The following E2F3 variants were observed in gnomAD, a reference collection of about 807,000 sequenced individuals.
E2F3 encodes E2F transcription factor 3, also known as transcription factor E2F3.
In E2F3, 11 loss-of-function variants were observed where a neutral mutation model predicts 44.4. The ratio of observed to expected loss-of-function variants is 0.25; its 90% CI spans 0.16 to 0.41. E2F3 has a LOEUF of 0.41. Ranked by LOEUF, E2F3 falls within the 10% of genes least tolerant of loss-of-function variation. The pLI is 1.00. For missense variants in E2F3, 487 were observed against 583.6 expected, an observed-to-expected ratio of 0.83 and a Z score of 1.70; for synonymous variants, 249 against 253.0, an observed-to-expected ratio of 0.98 and a Z score of 0.15.
At chr6:20,429,062 C>T (rs1760310598) in intron 1 of E2F3, among the ~76,000 whole-genome samples, 1 of 152,094 alleles carries the variant, frequency 6.6e-6, no homozygotes, top group Admixed American at 6.5e-5. Context: ...GCATCTAGTG[C>T]GTAGAGGCCA....
chr6:20,401,967 A>C lies in E2F3; in HGVS notation c.-266A>C. 1 of 380,458 alleles carries C rather than the reference A, an allele frequency of 2.6e-6. No individual in the cohort carries two copies. Among genetic ancestry groups the C allele is most frequent in the Non-Finnish European group, 4.5e-6 (1 of 223,608 alleles). 23.6% of individuals were successfully genotyped at this position (380,458 alleles called of 1,614,324 possible). ...CCGCCGCCGCCTCGCAATCCGTTGC[A>C]TCGGCCGCCCCCGACGCCTCCATCC... On this transcript the variant is annotated 5_prime_UTR_variant, in exon 1 of 7. Coordinates refer to ENST00000346618, the MANE Select transcript of E2F3 (RefSeq NM_001949.5).
rs534423070 is a variant in E2F3 at position 20,432,125 on chromosome 6, G to A, written c.393+29500G>A. Among the ~76,000 whole-genome samples the A allele has an allele frequency of 3.9e-5, 6 of 152,262 alleles. No individual in the cohort carries two copies. The East Asian group carries it at 5.8e-4, about 15-fold the overall frequency. ...TATGACTTCAACATAGGAATTTAACGGGGACGTGGGGGTGGGCGTTTAGCC... is the reference window on the plus strand; with the variant it reads ...TATGACTTCAACATAGGAATTTAACAGGGACGTGGGGGTGGGCGTTTAGCC... On this transcript the variant is annotated intron_variant, in intron 1 of 6. Coordinates refer to ENST00000346618, the MANE Select transcript of E2F3 (RefSeq NM_001949.5).
chr6:20,408,469 T>C (rs1042367113), intron 1 of E2F3, among the ~76,000 whole-genome samples: 25 of 152,274 alleles, frequency 1.6e-4, no homozygotes, highest in African/African-American at 6.0e-4. Flanking sequence ...ATGTACGTTC[T>C]TTCCCCAACC....
chr6:20,482,978 T>G (rs1762280388), intron 4 of E2F3, 58 bp downstream of exon 4: 2 of 1,607,932 alleles, frequency 1.2e-6, no homozygotes, highest in Non-Finnish European at 1.7e-6. Flanking sequence ...ATTTCCAGAG[T>G]TGACAATCTG....
chr6:20,402,282 G>C lies in E2F3; in HGVS notation c.50G>C (p.Gly17Ala), dbSNP rs1244071191. 1 of 1,608,558 alleles carries C rather than the reference G, an allele frequency of 6.2e-7. No homozygotes were observed. ...PALEQYLVTA[G>A]GGEGAAVVAA... ...CTGGAGCAGTACCTGGTGACCGCCG[G>C]GGGTGGGGAGGGGGCGGCTGTCGTC... Residue 17 changes from glycine to alanine, a missense_variant, in exon 1 of 7, where the codon GGG becomes GCG. Physicochemically the swap from Gly to Ala is moderately conservative, Grantham distance 60. Transcript: ENST00000346618. This position sits in a 1 kb window ranked among gnomAD's most constrained non-coding sequence, Gnocchi z 5.6.
chr6:20,486,729 G>C lies in E2F3; in HGVS notation c.925G>C (p.Gly309Arg). The change falls in exon 5 of 7, where the codon GGC becomes CGC. Residue 309 changes from glycine (G) to arginine (R), a missense_variant. Transcript: ENST00000346618. ...ATATCAAGATATTCGAAAAATTAGTGGCCTTAAAGACCAAACTGTTATAGT... is the reference window on the plus strand; with the variant it reads ...ATATCAAGATATTCGAAAAATTAGTCGCCTTAAAGACCAAACTGTTATAGT... ...VTYQDIRKIS[G>R]LKDQTVIVVK... is the part of the protein sequence containing the mutation. 1 of 1,612,758 alleles carries C rather than the reference G, an allele frequency of 6.2e-7. No homozygotes were observed. Among genetic ancestry groups the C allele is most frequent in the Non-Finnish European group, 8.5e-7 (1 of 1,179,548 alleles).
At chr6:20,403,638 T>C (rs937781833) in intron 1 of E2F3, 5 of 490,164 alleles carry the variant, frequency 1.0e-5, no homozygotes, top group South Asian at 2.8e-5. Flanking sequence ...GCCGGCTCCC[T>C]GGCCTGGGAC....
intron 1 of E2F3, among the ~76,000 whole-genome samples, chr6:20,462,606 C>T (rs748937305): frequency 1.3e-4 from 19 of 151,726 alleles, no homozygotes; most frequent in African/African-American, 3.4e-4. Context: ...TACAGGTGTC[C>T]GCCCTCTTAC....
At chr6:20,480,552 A>G (rs537086369) in intron 2 of E2F3, among the ~76,000 whole-genome samples, 5 of 152,350 alleles carry the variant, frequency 3.3e-5, no homozygotes, top group African/African-American at 1.2e-4. Flanking sequence ...GCATTAGGCA[A>G]TCCACAAATT....
At chr6:20,437,644 CA>C (rs1760635955) in intron 1 of E2F3, among the ~76,000 whole-genome samples, 3 of 152,080 alleles carry the variant, frequency 2.0e-5, no homozygotes, top group Non-Finnish European at 2.9e-5. Flanking sequence ...TTAAGGAGAG[CA>C]CAGAGCCACT....
In E2F3 at chr6:20,482,769, A is replaced by C. The variant is rs767933231; in HGVS notation, c.733A>C (p.Ser245Arg). ...CTGTGTTTGGGTTTCTAGGGGCTGCAGTCTGTCTGAGGATGGGGGCATGCT... is the reference window on the plus strand; with the variant it reads ...CTGTGTTTGGGTTTCTAGGGGCTGCCGTCTGTCTGAGGATGGGGGCATGCT... ...SKNNVQWMGC[S>R]LSEDGGMLAQ... The change falls in exon 4 of 7, where the codon AGT (serine) becomes CGT (arginine). Residue 245 changes from serine (S) to arginine (R), a missense_variant. By Grantham distance (110) the Ser-to-Arg change is moderately radical. Coordinates refer to ENST00000346618, the MANE Select transcript of E2F3 (RefSeq NM_001949.5). 11 of 1,605,578 alleles carry C rather than the reference A, an allele frequency of 6.9e-6. No individual in the cohort carries two copies. Among genetic ancestry groups the C allele is most frequent in the Non-Finnish European group, 9.4e-6 (11 of 1,175,854 alleles).
chr6:20,491,636 G>A lies in E2F3; in HGVS notation c.*1206G>A, dbSNP rs1218136837. On this transcript the variant is annotated 3_prime_UTR_variant, in exon 7 of 7. Coordinates refer to ENST00000346618, the MANE Select transcript of E2F3 (RefSeq NM_001949.5). Reference sequence around the variant, plus strand: ...CGCACTCAGGGAGACCACTTCTCAGGATGGGGTCAGATGGAGAGACCTCTA... The same window carrying A: ...CGCACTCAGGGAGACCACTTCTCAGAATGGGGTCAGATGGAGAGACCTCTA... The A allele has an allele frequency of 1.0e-5, 2 of 190,600 alleles. No individual in the cohort carries two copies. The highest frequency in any genetic ancestry group is 6.2e-5 in the Admixed American group (1 of 16,232). The allele number at this position is 190,600 out of a possible 1,614,324, so 11.8% of individuals were successfully genotyped here. A position where few individuals can be genotyped will look rare whatever the true frequency, so the allele number is the denominator to read the frequency against.
Position 20,485,441 on chromosome 6 carries a change from G to A in E2F3, c.885-1248G>A, listed in dbSNP as rs4134955. 6.8e-3 allele frequency among the ~76,000 whole-genome samples: 1,031 copies of A among 152,210 alleles called. 12 individuals are homozygous for A. Among genetic ancestry groups the A allele is most frequent in the African/African-American group, 0.024 (980 of 41,526 alleles). ...TAAAAATAAAAAAAATTAGCCGGGT[G>A]TGGTGGTGCACGCCTGTAGTCCCAT... On this transcript the variant is annotated intron_variant, in intron 4 of 6. Transcript: ENST00000346618.
chr6:20,457,022 A>T (rs1317427544), intron 1 of E2F3, among the ~76,000 whole-genome samples: 1 of 152,202 alleles, frequency 6.6e-6, no homozygotes, highest in Non-Finnish European at 1.5e-5. Flanking sequence ...GAGGAGAGTC[A>T]GTGGGAGGAT....
Position 20,493,242 on chromosome 6 carries a change from C to T in E2F3, c.*2812C>T, listed in dbSNP as rs1259361863. 8.9e-6 allele frequency: 2 copies of T among 225,642 alleles called. No individual in the cohort carries two copies. Among genetic ancestry groups the T allele is most frequent in the East Asian group, 6.4e-5 (1 of 15,628 alleles). The allele number at this position is 225,642 out of a possible 1,614,324, so 14.0% of individuals were successfully genotyped here. A position where few individuals can be genotyped will look rare whatever the true frequency, so the allele number is the denominator to read the frequency against. On this transcript the variant is annotated 3_prime_UTR_variant, in exon 7 of 7. Transcript: ENST00000346618. ...TGTTTTTCTGTTCTTTGTTGTGGCT[C>T]TTGTTTTCATTTTTGTTGTACGTGT...
At chr6:20,427,827 A>T (rs900628402) in intron 1 of E2F3, among the ~76,000 whole-genome samples, 17 of 152,252 alleles carry the variant, frequency 1.1e-4, no homozygotes, top group Non-Finnish European at 2.9e-5. Context: ...TGCATCTCTG[A>T]TAGTGCTCTT....
rs1182402963 is a variant in E2F3, at chr6:20,491,217, T to G, written c.*787T>G. 3 of 232,540 alleles carry G rather than the reference T, an allele frequency of 1.3e-5. No individual in the cohort carries two copies. The highest frequency in any genetic ancestry group is 6.6e-5 in the African/African-American group (3 of 45,272). The allele number at this position is 232,540 out of a possible 1,614,324, so 14.4% of individuals were successfully genotyped here. On this transcript the variant is annotated 3_prime_UTR_variant, in exon 7 of 7. Transcript: ENST00000346618. ...GATTTGTAGCAAATGCCTACTTAGT[T>G]CTTTGTGGATTGTTCTAGACTTTTA...
At chr6:20,474,388 G>A (rs142063013) in intron 1 of E2F3, among the ~76,000 whole-genome samples, 1 of 152,278 alleles carries the variant, frequency 6.6e-6, no homozygotes, top group Non-Finnish European at 1.5e-5. Context: ...AAGTACTGCC[G>A]GAAGGTGCCA....
At chr6:20,430,290 T>G (rs934292140) in intron 1 of E2F3, among the ~76,000 whole-genome samples, 1 of 152,232 alleles carries the variant, frequency 6.6e-6, no homozygotes, top group African/African-American at 2.4e-5. Flanking sequence ...ACTTACTTAA[T>G]GCTCTGTATT....
Sources: gnomAD v4.1 joint callset for allele counts (sites outside exome capture counted in the v4.1 genomes callset) on GRCh38, gnomAD v4.1.1 for gene constraint, Gnocchi (gnomAD v3.1) non-coding constraint, MANE v1.5 for transcripts, NCBI Gene and HGNC (gene_info 2026-07-23, HGNC 2026-07-21) for gene names.